The following PLCZ1 variants were observed in gnomAD, a reference collection of about 807,000 sequenced individuals.
PLCZ1 encodes phospholipase C zeta 1, also known as 1-phosphatidylinositol 4,5-bisphosphate phosphodiesterase zeta-1.
Under a neutral mutation model 76.8 loss-of-function variants are expected in PLCZ1, and 64 were observed. The observed-to-expected ratio is 0.83, with a 90% CI of 0.68 to 1.03. PLCZ1 has a LOEUF of 1.03. Among genes scored for constraint, PLCZ1 ranks in the 50% least tolerant of loss-of-function variants. PLCZ1 has a pLI of 0.00. For missense variants in PLCZ1, 751 were observed against 713.7 expected (o/e 1.05, Z -0.60); for synonymous variants, 248 against 230.8 (o/e 1.07, Z -0.68).
the PLCZ1 span, chr12:18,648,523 T>C: frequency 1.7e-5 from 3 of 171,864 alleles, no homozygotes; most frequent in Admixed American, 6.4e-5. Context: ...CAGAATGCTA[T>C]ATTATTTTCT....
Position 18,701,712 on chromosome 12 carries a change from C to A in PLCZ1, c.929G>T (p.Arg310Ile). 6.2e-7 allele frequency: 1 copy of A among 1,611,448 alleles called. No individual in the cohort carries two copies. The highest frequency in any genetic ancestry group is 8.5e-7 in the Non-Finnish European group (1 of 1,178,754). Residue 310 changes from arginine to isoleucine, a missense_variant, in exon 8 of 15, where the codon AGA becomes ATA. Coordinates refer to ENST00000266505, the MANE Select transcript of PLCZ1 (RefSeq NM_033123.4). The stretch of plus-strand genomic sequence containing the variant: ...CTTACCACGCTTATCAGAACCTTTT[C>A]TTTCATGGGTTTCCTTTAAGGTTCC... ...KIGTLKETHE[R>I]KGSDKRGDNQ...
intron 13 of PLCZ1, chr12:18,685,392 A>G (rs575546415): frequency 5.8e-6 from 1 of 171,884 alleles, no homozygotes; most frequent in African/African-American, 2.3e-5. Flanking sequence ...CTGCTTAATA[A>G]AGACTCAAAG....
chr12:18,735,779 T>C (rs1320763593), intron 3 of PLCZ1: 1 of 152,966 alleles, frequency 6.5e-6, no homozygotes, highest in Non-Finnish European at 1.5e-5. Flanking sequence ...GTCAATTTTA[T>C]TTAACTTTTC....
downstream of PLCZ1, among the ~76,000 whole-genome samples, chr12:18,680,311 T>G (rs1041627173): frequency 1.3e-5 from 2 of 152,044 alleles, no homozygotes; most frequent in Non-Finnish European, 1.5e-5. Context: ...CACAAAGATT[T>G]TGACTAGAAC....
At chr12:18,677,893 G>C in the PLCZ1 span, among the ~76,000 whole-genome samples, 1 of 152,030 alleles carries the variant, frequency 6.6e-6, no homozygotes, top group Non-Finnish European at 1.5e-5. Flanking sequence ...ATTTATGTGT[G>C]AGCATGTGTA....
intron 12 of PLCZ1, among the ~76,000 whole-genome samples, chr12:18,691,709 T>C (rs1325864725): frequency 6.6e-6 from 1 of 152,138 alleles, no homozygotes; most frequent in Non-Finnish European, 1.5e-5. Flanking sequence ...AATAGCATTG[T>C]AAAGTGAAGT....
chr12:18,704,982 G>A (rs562152785), intron 7 of PLCZ1, among the ~76,000 whole-genome samples, 184 bp downstream of exon 7: 4 of 152,048 alleles, frequency 2.6e-5, no homozygotes, highest in South Asian at 2.1e-4. Flanking sequence ...AATTTTAATC[G>A]AAATATATTC....
chr12:18,692,924 G>C, intron 12 of PLCZ1: 2 of 1,579,084 alleles, frequency 1.3e-6, no homozygotes, highest in Non-Finnish European at 1.7e-6. Flanking sequence ...CCAGCAAACT[G>C]CCACTGGTGA....
chr12:18,663,622 C>T, the PLCZ1 span, among the ~76,000 whole-genome samples: 16,037 of 151,506 alleles, frequency 0.11, 1,084 homozygotes, highest in African/African-American at 0.19. Flanking sequence ...CTAAACATAA[C>T]AGCAAAAACT....
the PLCZ1 span, among the ~76,000 whole-genome samples, chr12:18,678,040 T>G: frequency 6.6e-6 from 1 of 152,114 alleles, no homozygotes; most frequent in Non-Finnish European, 1.5e-5. Context: ...TGAATGACAT[T>G]GTGGATATGT....
intron 3 of PLCZ1, among the ~76,000 whole-genome samples, chr12:18,733,509 T>C (rs1959163548): frequency 6.6e-6 from 1 of 152,052 alleles, no homozygotes; most frequent in Admixed American, 6.5e-5. Context: ...TTTGTTTCAA[T>C]CCCTTTGGAA....
the PLCZ1 span, among the ~76,000 whole-genome samples, chr12:18,668,998 C>T: frequency 2.6e-5 from 4 of 151,994 alleles, no homozygotes; most frequent in African/African-American, 7.3e-5. Context: ...TAATTTCCCC[C>T]GCTGAGCAAA....
chr12:18,683,133 A>T, downstream of PLCZ1: 1 of 938,024 alleles, frequency 1.1e-6, no homozygotes, highest in Non-Finnish European at 1.7e-6. Context: ...TTCTAGTTTT[A>T]TGAGTAATTA....
chr12:18,732,070 TG>T (rs1265406407), intron 3 of PLCZ1, among the ~76,000 whole-genome samples: 3 of 152,322 alleles, frequency 2.0e-5, no homozygotes, highest in African/African-American at 2.4e-5. Context: ...TTGATGAGTT[TG>T]GAGATAAGTA....
At chr12:18,647,451 T>C in the PLCZ1 span, among the ~76,000 whole-genome samples, 1 of 143,528 alleles carries the variant, frequency 7.0e-6, no homozygotes, top group Non-Finnish European at 1.5e-5. Flanking sequence ...GAATCTAAAA[T>C]TGAAAAAAAA....
intron 6 of PLCZ1, among the ~76,000 whole-genome samples, chr12:18,712,413 C>A (rs988114682): frequency 1.3e-5 from 2 of 152,072 alleles, no homozygotes; most frequent in Non-Finnish European, 2.9e-5. Context: ...CTTACTATAT[C>A]AATAGCTGTC....
chr12:18,657,867 T>C, the PLCZ1 span, among the ~76,000 whole-genome samples: 1 of 152,158 alleles, frequency 6.6e-6, no homozygotes, highest in African/African-American at 2.4e-5. Flanking sequence ...AGCTCATCTA[T>C]TGGACTTACT....
At chr12:18,695,118 A>G (rs528724766) in intron 11 of PLCZ1, 39 bp from the exon 12 acceptor site, 1 of 1,577,626 alleles carries the variant, frequency 6.3e-7, no homozygotes, top group South Asian at 1.1e-5. Context: ...CAGGTAATAG[A>G]GAATACAAAT....
At chr12:18,685,730 A>T in intron 13 of PLCZ1, 1 of 477,866 alleles carries the variant, frequency 2.1e-6, no homozygotes, top group Middle Eastern at 3.4e-4. Context: ...ACTGCAAAAC[A>T]TCTGCAGAAA....
Sources: allele counts gnomAD v4.1 joint callset (sites outside exome capture counted in the v4.1 genomes callset), GRCh38; gene constraint gnomAD v4.1.1; transcripts MANE v1.5; gene names NCBI Gene and HGNC (gene_info 2026-07-23, HGNC 2026-07-21).